ATP8B4: variants seen among roughly 807,000 people sequenced by gnomAD.
The protein encoded by ATP8B4 is probable phospholipid-transporting ATPase IM.
Under a neutral mutation model 145.6 loss-of-function variants are expected in ATP8B4, and 133 were observed. The ratio of observed to expected loss-of-function variants is 0.91; its 90% CI spans 0.79 to 1.05. The LOEUF is 1.05. ATP8B4 is among the 50% of genes least tolerant of loss of function. The pLI is 0.00. For missense variants in ATP8B4, 1,458 were observed against 1,425.2 expected (o/e 1.02, Z -0.37); for synonymous variants, 507 against 492.9 (o/e 1.03, Z -0.38).
chr15:49,884,018 TG>T (rs1364612223), intron 23 of ATP8B4, among the ~76,000 whole-genome samples: 1 of 152,226 alleles, frequency 6.6e-6, no homozygotes, highest in East Asian at 1.9e-4. Context: ...TTTACAAAAG[TG>T]TAAAACAATG....
At chr15:50,024,788 C>G (rs976356740) in intron 6 of ATP8B4, among the ~76,000 whole-genome samples, 1 of 152,114 alleles carries the variant, frequency 6.6e-6, no homozygotes, top group Non-Finnish European at 1.5e-5. Context: ...GAAATGAAGT[C>G]CAGGCAGACC....
intron 6 of ATP8B4, among the ~76,000 whole-genome samples, chr15:50,030,755 GAAATT>G (rs1329582816): frequency 6.6e-6 from 1 of 152,128 alleles, no homozygotes; most frequent in Non-Finnish European, 1.5e-5. Flanking sequence ...ACTTTAAAAA[GAAATT>G]AAGAGATGCC....
intron 25 of ATP8B4, among the ~76,000 whole-genome samples, chr15:49,870,332 T>C (rs2033485430): frequency 1.3e-5 from 2 of 152,186 alleles, no homozygotes; most frequent in Admixed American, 1.3e-4. Context: ...ATGGGAGGAT[T>C]TAAGCTATGG....
chr15:49,881,861 A>G (rs2153408565), intron 23 of ATP8B4, among the ~76,000 whole-genome samples: 1 of 152,398 alleles, frequency 6.6e-6, no homozygotes, highest in African/African-American at 2.4e-5. Context: ...AGTACCAATG[A>G]ACTAACAAGA....
At chr15:49,982,072 T>C (rs2046202829) in intron 10 of ATP8B4, among the ~76,000 whole-genome samples, 1 of 152,154 alleles carries the variant, frequency 6.6e-6, no homozygotes, top group South Asian at 2.1e-4. Context: ...AAAGCTAATT[T>C]CTCCAGTGTT....
intron 8 of ATP8B4, among the ~76,000 whole-genome samples, chr15:50,001,605 A>G (rs1289527398): frequency 6.6e-6 from 1 of 152,248 alleles, no homozygotes; most frequent in Non-Finnish European, 1.5e-5. Context: ...ACATAGTGTC[A>G]TTAAAATGTA....
chr15:50,060,695 AAG>A (rs1237551743), intron 3 of ATP8B4, among the ~76,000 whole-genome samples: 1 of 152,156 alleles, frequency 6.6e-6, no homozygotes, highest in Non-Finnish European at 1.5e-5. Context: ...TAACTAAAAT[AAG>A]AGAGAATCAG....
chr15:50,083,083 A>G (rs1169738637), intron 2 of ATP8B4, among the ~76,000 whole-genome samples: 1 of 152,130 alleles, frequency 6.6e-6, no homozygotes, highest in Non-Finnish European at 1.5e-5. Context: ...ATCAAATGCA[A>G]TACTCCAGAT....
At chr15:49,905,210 T>A (rs1370494188) in intron 20 of ATP8B4, among the ~76,000 whole-genome samples, 2 of 152,212 alleles carry the variant, frequency 1.3e-5, no homozygotes, top group East Asian at 3.8e-4. Flanking sequence ...GTATAAAAAT[T>A]ATATATCCAT....
chr15:50,086,448 TA>T (rs1337856163), intron 2 of ATP8B4, among the ~76,000 whole-genome samples: 2 of 50,002 alleles, frequency 4.0e-5, no homozygotes, highest in African/African-American at 1.3e-4. Context: ...TATAATAAAA[TA>T]ATAGAGATCT....
intron 3 of ATP8B4, among the ~76,000 whole-genome samples, chr15:50,073,074 T>C (rs936425949): frequency 6.8e-6 from 1 of 146,500 alleles, no homozygotes; most frequent in African/African-American, 2.5e-5. Context: ...CGCATATATA[T>C]ATGTGTGTGT....
At chr15:50,146,589 T>C (rs1390945478) in intron 1 of ATP8B4, among the ~76,000 whole-genome samples, 1 of 152,174 alleles carries the variant, frequency 6.6e-6, no homozygotes, top group Non-Finnish European at 1.5e-5. Context: ...CTACTTTGCG[T>C]GTGTTTTAGA....
At position 49,923,502 on chromosome 15, in the gene ATP8B4, GA is replaced by G. The variant is rs756532311; in HGVS notation, c.1643-9del. On this transcript the variant is annotated splice_polypyrimidine_tract_variant and intron_variant, in intron 16 of 27. Transcript: ENST00000284509. ...GTCCTTCTGGGTTTCGAACTGAAAA[GA>G]AAAAAGTTTGGAAAAGCAGAATATA... 9 of 1,573,604 alleles carry G rather than the reference GA, an allele frequency of 5.7e-6. No homozygotes were observed. Among genetic ancestry groups the G allele is most frequent in the Middle Eastern group, 1.7e-4 (1 of 5,926 alleles).
At chr15:49,927,314 G>A (rs572303555) in intron 16 of ATP8B4, among the ~76,000 whole-genome samples, 4 of 152,186 alleles carry the variant, frequency 2.6e-5, no homozygotes, top group Admixed American at 6.6e-5. Flanking sequence ...AAACAAGGAA[G>A]CAGAAGAGGG....
intron 6 of ATP8B4, among the ~76,000 whole-genome samples, chr15:50,029,625 A>G (rs1016460954): frequency 7.9e-5 from 12 of 152,174 alleles, no homozygotes; most frequent in Admixed American, 2.0e-4. Context: ...TCTGTTGCAA[A>G]TATCTTTGTA....
chr15:50,132,443 T>C (rs71469681), intron 1 of ATP8B4, among the ~76,000 whole-genome samples: 23,306 of 152,156 alleles, frequency 0.15, 2,138 homozygotes, highest in Non-Finnish European at 0.21. Context: ...TGGCGATCAT[T>C]AAAAAGTCAG....
chr15:50,058,507 G>T (rs1163973774), intron 3 of ATP8B4, among the ~76,000 whole-genome samples: 1 of 152,182 alleles, frequency 6.6e-6, no homozygotes, highest in Non-Finnish European at 1.5e-5. Flanking sequence ...CACCCATAAA[G>T]AATTTTCCAA....
chr15:50,107,981 A>T (rs945080064), intron 1 of ATP8B4, among the ~76,000 whole-genome samples: 1 of 152,042 alleles, frequency 6.6e-6, no homozygotes, highest in Non-Finnish European at 1.5e-5. Flanking sequence ...TATGCCTAAC[A>T]AATAGGGTCA....
At chr15:50,010,686 G>A (rs78163947) in intron 7 of ATP8B4, among the ~76,000 whole-genome samples, 159 bp downstream of exon 7, 9,973 of 151,976 alleles carry the variant, frequency 0.066, 499 homozygotes, top group African/African-American at 0.14. Flanking sequence ...ATAAATCAAC[G>A]TCTTTTAAAA....
Sources: allele counts gnomAD v4.1 joint callset (sites outside exome capture counted in the v4.1 genomes callset), GRCh38; gene constraint gnomAD v4.1.1; transcripts MANE v1.5; gene names NCBI Gene and HGNC (gene_info 2026-07-23, HGNC 2026-07-21).